The following NCOA3 variants were observed in gnomAD, a reference collection of about 807,000 sequenced individuals.
NCOA3 encodes the protein nuclear receptor coactivator 3.
Under a neutral mutation model 158.8 loss-of-function variants are expected in NCOA3, and 51 were observed. That is an observed-to-expected ratio of 0.32 (90% CI 0.26 to 0.41). The LOEUF (loss-of-function observed/expected upper bound fraction) is 0.41, where lower values mean the gene tolerates loss of function less well. NCOA3 is among the 10% of genes least tolerant of loss of function. The pLI is 1.00. For synonymous variants in NCOA3, 537 were observed against 592.4 expected, an observed-to-expected ratio of 0.91 and a Z score of 1.36; for missense variants, 1,510 against 1,746.6, an observed-to-expected ratio of 0.86 and a Z score of 2.41.
intron 17 of NCOA3, among the ~76,000 whole-genome samples, chr20:47,645,797 G>A (rs2086677335): frequency 6.6e-6 from 1 of 152,178 alleles, no homozygotes. Context: ...ATGAACCCAA[G>A]TTGATGGGAC....
In NCOA3 at chr20:47,505,444, G is replaced by C. The variant is rs1288626140; in HGVS notation, c.-99+3425G>C. 2.0e-5 allele frequency among the ~76,000 whole-genome samples: 3 copies of C among 152,140 alleles called. No homozygotes were observed. In the South Asian group the frequency reaches 6.2e-4, roughly 32 times the overall value. On this transcript the variant is annotated intron_variant, in intron 1 of 22. Transcript: ENST00000371998. ...AAACTTTTAATTTGTTGCAAGTTTA[G>C]AATGCATATTAGCCGCCAGTGACTT...
chr20:47,510,639 G>T (rs2084105438), intron 1 of NCOA3, among the ~76,000 whole-genome samples: 1 of 151,932 alleles, frequency 6.6e-6, no homozygotes, highest in African/African-American at 2.4e-5. Context: ...TGTCATCTAG[G>T]ATGGAGTGTA....
Position 47,655,850 on chromosome 20 carries a change from T to C in NCOA3, c.*2433T>C, listed in dbSNP as rs1377402668. 2.0e-5 allele frequency: 3 copies of C among 152,568 alleles called. No homozygotes were observed. The highest frequency in any genetic ancestry group is 7.2e-5 in the African/African-American group (3 of 41,450). The allele number at this position is 152,568 out of a possible 1,614,324, so 9.5% of individuals were successfully genotyped here. A position where few individuals can be genotyped will look rare whatever the true frequency, so the allele number is the denominator to read the frequency against. ...TAACTGGAAGGCAGCACTCCCTTTT[T>C]TATATAGTAGAAAAATGAAGTTTAT... On this transcript the variant is annotated 3_prime_UTR_variant, in exon 23 of 23. Transcript: ENST00000371998.
intron 1 of NCOA3, among the ~76,000 whole-genome samples, chr20:47,515,476 T>C (rs551953192): frequency 9.9e-4 from 147 of 149,094 alleles, no homozygotes; most frequent in African/African-American, 1.6e-3. Context: ...TTCTTTCTTT[T>C]TTTTTTTTTT....
intron 20 of NCOA3, among the ~76,000 whole-genome samples, chr20:47,651,828 G>GTT (rs796088611): frequency 1.4e-5 from 2 of 145,940 alleles, no homozygotes; most frequent in Non-Finnish European, 1.5e-5. Flanking sequence ...ACCCCCGGCT[G>GTT]TTTTTTTTTT....
rs191353554 is a variant in NCOA3, at chr20:47,640,882, C to T, written c.3080+831C>T. 4.6e-3 allele frequency among the ~76,000 whole-genome samples: 690 copies of T among 149,802 alleles called. 6 individuals are homozygous for T. The highest frequency in any genetic ancestry group is 0.016 in the African/African-American group (640 of 40,892). ...CAGCCTGGGCAACAGAGTGAGACTC[C>T]GTCTCTAAAAAAAAAAAAAATTGTA... On this transcript the variant is annotated intron_variant, in intron 16 of 22. Coordinates refer to ENST00000371998, the MANE Select transcript of NCOA3 (RefSeq NM_181659.3).
At chr20:47,632,559 TG>T (rs2086437929) in intron 8 of NCOA3, among the ~76,000 whole-genome samples, 1 of 151,894 alleles carries the variant, frequency 6.6e-6, no homozygotes, top group Admixed American at 6.6e-5. Flanking sequence ...AGCTAAGTTT[TG>T]TATTCTTAAT....
chr20:47,520,061 CAAAAAAAAAAAAAAA>C (rs35406814), intron 1 of NCOA3, among the ~76,000 whole-genome samples: 1,084 of 32,960 alleles, frequency 0.033, 21 homozygotes, highest in Non-Finnish European at 0.041. Context: ...TGTGCCTGGC[CAAAAAAAAAAAAAAA>C]AAAAAAAAAA....
At chr20:47,517,332 T>A (rs1037444287) in intron 1 of NCOA3, among the ~76,000 whole-genome samples, 2 of 152,230 alleles carry the variant, frequency 1.3e-5, no homozygotes, top group African/African-American at 4.8e-5. Flanking sequence ...ATCTATTCCA[T>A]CTTCTTCAAG....
chr20:47,639,076 CCT>C lies in NCOA3; in HGVS notation c.2582_2583del (p.Pro861ArgfsTer33), dbSNP rs1368027080. ...TAACCGAGCAGTGTCTCTGGATAGC[CCT>C]GTTTCTGTTGGCTCAAGTCCTCCAG... ...PYNRAVSLDS[P>X]VSVGSSPPVK... On this transcript the variant is annotated frameshift_variant, in exon 14 of 23. Transcript: ENST00000371998. LOFTEE classifies it high-confidence loss of function. The C allele has an allele frequency of 6.2e-7, 1 of 1,614,134 alleles. No individual in the cohort carries two copies. Among genetic ancestry groups the C allele is most frequent in the Admixed American group, 1.7e-5 (1 of 60,018 alleles).
intron 5 of NCOA3, 42 bp downstream of exon 5, chr20:47,625,523 C>T (rs1222131634): frequency 1.5e-6 from 2 of 1,313,168 alleles, no homozygotes; most frequent in African/African-American, 1.5e-5. Flanking sequence ...CTGTATTGCC[C>T]TTTGGTTTAT....
chr20:47,625,114 T>C (rs1376677587), intron 4 of NCOA3, among the ~76,000 whole-genome samples: 3 of 152,164 alleles, frequency 2.0e-5, no homozygotes, highest in African/African-American at 7.2e-5. Context: ...GACAATTGCC[T>C]GTTATTTGGT....
chr20:47,557,021 T>C (rs949292856), intron 1 of NCOA3, among the ~76,000 whole-genome samples: 1 of 152,180 alleles, frequency 6.6e-6, no homozygotes, highest in South Asian at 2.1e-4. Context: ...ATGGCAAATA[T>C]GAATCTGTGG....
At chr20:47,635,092 C>T (rs1329869800) in intron 10 of NCOA3, among the ~76,000 whole-genome samples, 2 of 151,832 alleles carry the variant, frequency 1.3e-5, no homozygotes, top group African/African-American at 4.8e-5. Flanking sequence ...CTATGCCTGG[C>T]CAATTTTTAA....
intron 16 of NCOA3, 24 bp from the exon 17 acceptor site, chr20:47,642,189 C>A (rs2146332599): frequency 6.5e-7 from 1 of 1,527,982 alleles, no homozygotes; most frequent in Admixed American, 2.3e-5. Flanking sequence ...GCACCATTGA[C>A]ATTGATTGCA....
chr20:47,517,445 C>CTTTTTTT (rs1186569608), intron 1 of NCOA3, among the ~76,000 whole-genome samples: 1 of 142,192 alleles, frequency 7.0e-6, no homozygotes, highest in South Asian at 2.2e-4. Context: ...TTTCTTTTTT[C>CTTTTTTT]TTTTTCTTTT....
chr20:47,622,361 C>T lies in NCOA3; in HGVS notation c.83+31C>T, dbSNP rs528499490. ...TGACTTATTTCCTGGTGCTTTACCA[C>T]ACTTGTTGTGCCTTTGTTTAAGGAT... On this transcript the variant is annotated intron_variant, in intron 3 of 22. Transcript: ENST00000371998. 8.4e-5 allele frequency: 115 copies of T among 1,375,472 alleles called. 2 individuals carry two copies. In the South Asian group the frequency reaches 1.5e-3, roughly 18 times the overall value. 85.2% of individuals were successfully genotyped at this position (1,375,472 alleles called of 1,614,324 possible). A position where few individuals can be genotyped will look rare whatever the true frequency, so the allele number is the denominator to read the frequency against.
rs1229766589 is a variant in NCOA3 at position 47,639,079 on chromosome 20, G to A, written c.2584G>A (p.Val862Ile). 1.1e-5 allele frequency: 18 copies of A among 1,614,162 alleles called. No homozygotes were observed. The highest frequency in any genetic ancestry group is 1.5e-5 in the Non-Finnish European group (18 of 1,180,028). The change falls in exon 14 of 23, where the codon GTT (valine) becomes ATT (isoleucine). Residue 862 changes from valine to isoleucine, a missense_variant. Coordinates refer to ENST00000371998, the MANE Select transcript of NCOA3 (RefSeq NM_181659.3). ...YNRAVSLDSP[V>I]SVGSSPPVKN... ...CCGAGCAGTGTCTCTGGATAGCCCT[G>A]TTTCTGTTGGCTCAAGTCCTCCAGT...
intron 1 of NCOA3, among the ~76,000 whole-genome samples, chr20:47,573,380 A>G (rs988121835): frequency 6.8e-6 from 1 of 147,962 alleles, no homozygotes; most frequent in Non-Finnish European, 1.5e-5. Flanking sequence ...AGCCTGGGTG[A>G]CAGGGCAAGA....
Sources: allele counts gnomAD v4.1 joint callset (sites outside exome capture counted in the v4.1 genomes callset), GRCh38; gene constraint gnomAD v4.1.1; transcripts MANE v1.5; gene names NCBI Gene and HGNC (gene_info 2026-07-23, HGNC 2026-07-21).